Variants in TBC1D16 observed in about 807,000 individuals in gnomAD.
TBC1D16 encodes the protein TBC1 domain family member 16, also known as CTD-2529O21.1.
A neutral mutation model predicts 74.7 loss-of-function variants in TBC1D16; 58 were observed. That is an observed-to-expected ratio of 0.78 (90% CI 0.63 to 0.97). TBC1D16 has a LOEUF of 0.97. TBC1D16 is among the 50% of genes least tolerant of loss of function. The pLI is 0.00. For missense variants in TBC1D16, 1,014 were observed against 1,079.5 expected (o/e 0.94, Z 0.85); for synonymous variants, 493 against 474.7 (o/e 1.04, Z -0.50).
intron 1 of TBC1D16, among the ~76,000 whole-genome samples, chr17:80,027,362 T>A (rs1428541897): frequency 2.6e-5 from 4 of 151,926 alleles, no homozygotes; most frequent in Non-Finnish European, 5.9e-5. Flanking sequence ...CTCAGAAGGC[T>A]GAGTCAAGAG....
intron 1 of TBC1D16, among the ~76,000 whole-genome samples, chr17:80,014,249 C>T (rs150830108): frequency 0.013 from 2,028 of 152,010 alleles, 20 homozygotes; most frequent in Middle Eastern, 0.044. Flanking sequence ...CCCAGCTACT[C>T]GGGAGGCTAA....
chr17:80,003,371 G>C (rs1173703145), intron 3 of TBC1D16, among the ~76,000 whole-genome samples: 2 of 152,200 alleles, frequency 1.3e-5, no homozygotes, highest in African/African-American at 4.8e-5. Context: ...GAGGACCCAG[G>C]GAGAGAGAGA....
At chr17:79,998,105 CA>C (rs1384401503) in intron 3 of TBC1D16, among the ~76,000 whole-genome samples, 1 of 55,236 alleles carries the variant, frequency 1.8e-5, no homozygotes, top group Admixed American at 2.8e-4. Context: ...AGCTTGGGCA[CA>C]AAGAGCAAAA....
At chr17:79,984,620 T>TGAAGGAAG (rs71287518) in intron 3 of TBC1D16, among the ~76,000 whole-genome samples, 23,603 of 121,772 alleles carry the variant, frequency 0.19, 2,413 homozygotes, top group East Asian at 0.28. Flanking sequence ...AGGGAGGGAG[T>TGAAGGAAG]GAAGGAAGGA....
chr17:79,940,985 G>C lies in TBC1D16; in HGVS notation c.2178C>G (p.Thr726=), dbSNP rs116273996. ...AGCTCTCCGAGCCGGGATGGTGGCC[G>C]GTGCACTCCACCGCGGGCATGGAGC... The part of the protein sequence containing the change: ...DSGSMPAVEC[T]GHHPGSESCP... Residue 726 remains threonine (T), a synonymous_variant, in exon 12 of 12, where the codon ACC becomes ACG. Coordinates refer to ENST00000310924, the MANE Select transcript of TBC1D16 (RefSeq NM_019020.4). The surrounding 1 kb of genome is among the most constrained non-coding windows in gnomAD (Gnocchi z 5.4). 1,012 of 1,607,732 alleles carry C rather than the reference G, an allele frequency of 6.3e-4. 6 individuals carry two copies. The African/African-American group carries it at 0.013, about 20-fold the overall frequency.
intron 6 of TBC1D16, 133 bp from the exon 7 acceptor site, chr17:79,949,998 C>A (rs2032913808): frequency 8.5e-6 from 10 of 1,177,618 alleles, no homozygotes; most frequent in Non-Finnish European, 1.2e-5. Flanking sequence ...CACATATTTA[C>A]AAGGGGAAAG....
At chr17:80,029,115 A>G (rs962262641) in intron 1 of TBC1D16, among the ~76,000 whole-genome samples, 1 of 152,190 alleles carries the variant, frequency 6.6e-6, no homozygotes, top group African/African-American at 2.4e-5. Flanking sequence ...GCAACTCTTT[A>G]AGAATTAGAG....
At chr17:79,976,221 G>A (rs982926244) in intron 3 of TBC1D16, among the ~76,000 whole-genome samples, 10 of 152,208 alleles carry the variant, frequency 6.6e-5, no homozygotes, top group African/African-American at 1.9e-4. Flanking sequence ...TGTCGATGCC[G>A]AGACTGAGGC....
chr17:80,015,786 G>A (rs539238044), intron 1 of TBC1D16, among the ~76,000 whole-genome samples: 25 of 152,172 alleles, frequency 1.6e-4, no homozygotes, highest in African/African-American at 5.3e-4. Context: ...CGAGATGGGC[G>A]GATCACCTGA....
In TBC1D16 at chr17:79,941,074, G is replaced by T; in HGVS notation, c.2089C>A (p.Pro697Thr). The T allele has an allele frequency of 6.3e-7, 1 of 1,591,734 alleles. No individual in the cohort carries two copies. The highest frequency in any genetic ancestry group is 8.6e-7 in the Non-Finnish European group (1 of 1,168,802). Reference protein sequence around the residue: ...RSLLYQFRLLPRIPCSLHDLC... With the variant: ...RSLLYQFRLLTRIPCSLHDLC... ...TCGTGCAGGCTGCAGGGGATCCGGGGCAGGAGGCGGAACTGGTACAGCAAA... is the reference window on the plus strand; with the variant it reads ...TCGTGCAGGCTGCAGGGGATCCGGGTCAGGAGGCGGAACTGGTACAGCAAA... Residue 697 changes from proline (P) to threonine (T), a missense_variant, in exon 12 of 12, where the codon CCC (proline) becomes ACC (threonine). Physicochemically the swap from Pro to Thr is conservative, Grantham distance 38 (BLOSUM62 -1). Transcript: ENST00000310924. The surrounding 1 kb of genome is among the most constrained non-coding windows in gnomAD (Gnocchi z 4.3).
In TBC1D16 at chr17:79,979,306, G is replaced by A. The variant is rs972705188; in HGVS notation, c.780-26488C>T. 6.6e-6 allele frequency among the ~76,000 whole-genome samples: 1 copy of A among 151,930 alleles called. No homozygotes were observed. Among genetic ancestry groups the A allele is most frequent in the African/African-American group, 2.4e-5 (1 of 41,356 alleles). ...ACGCGCTCCGGGGACGCACACCCACGCCCAGAGCACACACGCTCCAGGGAT... is the reference window on the plus strand; with the variant it reads ...ACGCGCTCCGGGGACGCACACCCACACCCAGAGCACACACGCTCCAGGGAT... On this transcript the variant is annotated intron_variant, in intron 3 of 11. Coordinates refer to ENST00000310924, the MANE Select transcript of TBC1D16 (RefSeq NM_019020.4). This position sits in a 1 kb window ranked among gnomAD's most constrained non-coding sequence, Gnocchi z 4.8.
At chr17:80,019,828 C>T (rs2036224565) in intron 1 of TBC1D16, among the ~76,000 whole-genome samples, 1 of 149,766 alleles carries the variant, frequency 6.7e-6, no homozygotes, top group Non-Finnish European at 1.5e-5. Flanking sequence ...TATATCATAT[C>T]TTGCTTTCAG....
chr17:79,976,890 A>G (rs955695781), intron 3 of TBC1D16, among the ~76,000 whole-genome samples: 2 of 152,074 alleles, frequency 1.3e-5, no homozygotes, highest in Non-Finnish European at 2.9e-5. Flanking sequence ...AGCCCCTCTC[A>G]TCCCATCCTC....
chr17:79,960,779 C>CAAAAAAAAAAAAAAAAAAAAA lies in TBC1D16; in HGVS notation c.780-7982_780-7962dup, dbSNP rs746450905. On this transcript the variant is annotated intron_variant, in intron 3 of 11. Coordinates refer to ENST00000310924, the MANE Select transcript of TBC1D16 (RefSeq NM_019020.4). ...CAAAAAAACCCAAAAAACAAAAACC[C>CAAAAAAAAAAAAAAAAAAAAA]AAAAAAAAAAAAAAAAAAAAAAAAA... is the stretch of plus-strand genomic sequence containing the variant. Among the ~76,000 whole-genome samples the CAAAAAAAAAAAAAAAAAAAAA allele has an allele frequency of 2.9e-4, 10 of 33,944 alleles. 3 individuals are homozygous for CAAAAAAAAAAAAAAAAAAAAA. Among genetic ancestry groups the CAAAAAAAAAAAAAAAAAAAAA allele is most frequent in the South Asian group, 1.6e-3 (1 of 640 alleles). 22.3% of individuals were successfully genotyped at this position (33,944 alleles called of 152,430 possible). A position where few individuals can be genotyped will look rare whatever the true frequency, so the allele number is the denominator to read the frequency against.
chr17:79,997,478 G>A (rs11150830), intron 3 of TBC1D16, among the ~76,000 whole-genome samples: 4,250 of 152,132 alleles, frequency 0.028, 185 homozygotes, highest in African/African-American at 0.094. Context: ...AGCCTAAACC[G>A]GGGGATCCAC....
chr17:80,026,392 T>C lies in TBC1D16; in HGVS notation c.-63+9403A>G, dbSNP rs1229203476. On this transcript the variant is annotated intron_variant, in intron 1 of 11. Coordinates refer to ENST00000310924, the MANE Select transcript of TBC1D16 (RefSeq NM_019020.4). ...GTGAGCCAAGATTGTGCCACTGCAC[T>C]CCAGCCTGGGTGACAGAGGGAGACT... 2.0e-5 allele frequency among the ~76,000 whole-genome samples: 3 copies of C among 150,116 alleles called. No individual in the cohort carries two copies. The East Asian group carries it at 5.8e-4, about 29-fold the overall frequency.
intron 3 of TBC1D16, among the ~76,000 whole-genome samples, chr17:79,974,056 TG>T (rs1305094169): frequency 6.6e-6 from 1 of 152,172 alleles, no homozygotes; most frequent in Non-Finnish European, 1.5e-5. Flanking sequence ...TCTGGTGCTG[TG>T]GGGCCATTAT....
chr17:79,951,298 T>C (rs2033030029), intron 5 of TBC1D16, 152 bp downstream of exon 5: 4 of 871,802 alleles, frequency 4.6e-6, no homozygotes, highest in Admixed American at 2.5e-5. Flanking sequence ...AACCCAAAGT[T>C]GCTGCTCTGA....
rs554637476 is a variant in TBC1D16, at chr17:79,961,690, T to C, written c.780-8872A>G. On this transcript the variant is annotated intron_variant, in intron 3 of 11. Coordinates refer to ENST00000310924, the MANE Select transcript of TBC1D16 (RefSeq NM_019020.4). This position sits in a 1 kb window ranked among gnomAD's most constrained non-coding sequence, Gnocchi z 4.8. ...CAGTGTGACCAACATGGTGAAACAC[T>C]GTATCTACCAAAAATACAAAAAATC... 1.8e-4 allele frequency among the ~76,000 whole-genome samples: 28 copies of C among 152,118 alleles called. No homozygotes were observed. Among genetic ancestry groups the C allele is most frequent in the Admixed American group, 9.8e-4 (15 of 15,270 alleles).
Sources: allele counts gnomAD v4.1 joint callset (sites outside exome capture counted in the v4.1 genomes callset), GRCh38; gene constraint gnomAD v4.1.1; non-coding constraint Gnocchi (gnomAD v3.1); transcripts MANE v1.5; gene names NCBI Gene and HGNC (gene_info 2026-07-23, HGNC 2026-07-21).